MYLK4: variants seen among roughly 807,000 people sequenced by gnomAD.
MYLK4 encodes the protein myosin light chain kinase family member 4, also known as caMLCK like.
A neutral mutation model predicts 48.1 loss-of-function variants in MYLK4; 46 were observed. The ratio of observed to expected loss-of-function variants is 0.96; its 90% CI spans 0.75 to 1.22. The LOEUF (loss-of-function observed/expected upper bound fraction) is 1.22. Ranked by LOEUF, MYLK4 falls within the 50% of genes most tolerant of loss-of-function variation. MYLK4 has a pLI of 0.00. For missense variants in MYLK4, 451 were observed against 486.1 expected (o/e 0.93, Z 0.68); for synonymous variants, 170 against 180.8 (o/e 0.94, Z 0.48).
At chr6:2,752,203 T>C (rs1387145707), upstream of MYLK4, among the ~76,000 whole-genome samples, 3 of 152,222 alleles carry the variant, frequency 2.0e-5, no homozygotes, top group Non-Finnish European at 4.4e-5. Context: ...TATTTTTTTG[T>C]AATAAACTTT....
chr6:2,763,651 A>G, the MYLK4 span, among the ~76,000 whole-genome samples: 21,176 of 152,152 alleles, frequency 0.14, 1,830 homozygotes, highest in East Asian at 0.32. Context: ...CGCCTCTCCC[A>G]CCATACTTCC....
intron 3 of MYLK4, among the ~76,000 whole-genome samples, chr6:2,689,805 T>G (rs1761704439): frequency 6.6e-6 from 1 of 152,256 alleles, no homozygotes; most frequent in South Asian, 2.1e-4. Flanking sequence ...CAAAACACTC[T>G]ACATTTATTT....
chr6:2,679,237 C>G (rs1249857433), intron 9 of MYLK4, 43 bp downstream of exon 9: 1 of 1,609,332 alleles, frequency 6.2e-7, no homozygotes, highest in East Asian at 2.2e-5. Flanking sequence ...AGAAAATATG[C>G]ATGGAGTTGG....
At chr6:2,727,946 C>CAAAA (rs10716559) in intron 2 of MYLK4, among the ~76,000 whole-genome samples, 1 of 104,874 alleles carries the variant, frequency 9.5e-6, no homozygotes, top group Admixed American at 1.0e-4. Flanking sequence ...GACTCCGTCT[C>CAAAA]AAAAAAAAAA....
intron 2 of MYLK4, among the ~76,000 whole-genome samples, chr6:2,734,197 A>G (rs1244378613): frequency 6.6e-6 from 1 of 152,230 alleles, no homozygotes; most frequent in Non-Finnish European, 1.5e-5. Flanking sequence ...ACTCTGTTAC[A>G]GGATGGAATC....
chr6:2,682,412 G>A (rs998986343), intron 7 of MYLK4, among the ~76,000 whole-genome samples: 9 of 152,164 alleles, frequency 5.9e-5, no homozygotes, highest in Admixed American at 1.3e-4. Flanking sequence ...ATCAATAGGA[G>A]GAGAAAGAAA....
chr6:2,760,211 G>A, the MYLK4 span, among the ~76,000 whole-genome samples: 5 of 152,138 alleles, frequency 3.3e-5, no homozygotes, highest in Admixed American at 3.3e-4. Flanking sequence ...CATTGTATTA[G>A]GTATCATAAG....
At chr6:2,712,490 G>A (rs1762709094) in intron 2 of MYLK4, among the ~76,000 whole-genome samples, 1 of 152,196 alleles carries the variant, frequency 6.6e-6, no homozygotes, top group Admixed American at 6.5e-5. Context: ...GCACTAAACA[G>A]AACAATGGTG....
chr6:2,752,916 C>T (rs1764332105), upstream of MYLK4, among the ~76,000 whole-genome samples: 1 of 152,168 alleles, frequency 6.6e-6, no homozygotes, highest in South Asian at 2.1e-4. Context: ...AGGACAAGCA[C>T]ACTGCTGGCA....
Position 2,683,172 on chromosome 6 carries a change from G to A in MYLK4, c.546-10C>T. 1.9e-6 allele frequency: 3 copies of A among 1,614,060 alleles called. No individual in the cohort carries two copies. Among genetic ancestry groups the A allele is most frequent in the Non-Finnish European group, 2.5e-6 (3 of 1,179,992 alleles). ...CTCCCCACCATCCACACTGCAGAGG[G>A]AAGAGGACTGAAACCCTCAGTCCCG... is the stretch of plus-strand genomic sequence containing the variant. On this transcript the variant is annotated splice_polypyrimidine_tract_variant and intron_variant, in intron 6 of 12. Transcript: ENST00000274643.
At chr6:2,750,356 G>A (rs959692050) in intron 1 of MYLK4, among the ~76,000 whole-genome samples, 2 of 152,178 alleles carry the variant, frequency 1.3e-5, no homozygotes, top group Non-Finnish European at 2.9e-5. Flanking sequence ...TCCACATAAA[G>A]AGCTTACATT....
chr6:2,704,035 G>A (rs1025894297), intron 2 of MYLK4, among the ~76,000 whole-genome samples: 2 of 152,142 alleles, frequency 1.3e-5, no homozygotes, highest in East Asian at 1.9e-4. Flanking sequence ...ACACATCTTC[G>A]TGGATTTATC....
intron 2 of MYLK4, among the ~76,000 whole-genome samples, chr6:2,730,707 G>T (rs1382434518): frequency 3.6e-4 from 54 of 150,486 alleles, no homozygotes; most frequent in African/African-American, 1.2e-3. Flanking sequence ...TTTCTTATTT[G>T]CAAAAGGAAA....
intron 6 of MYLK4, among the ~76,000 whole-genome samples, chr6:2,683,391 T>TTTTTTTTTTTTGTGTGTGTGTG (rs556476421): frequency 7.9e-6 from 1 of 126,584 alleles, no homozygotes; most frequent in Admixed American, 8.5e-5. Flanking sequence ...CCCCACCTTT[T>TTTTTTTTTTTTGTGTGTGTGTG]TGTGTGTGTG....
upstream of MYLK4, among the ~76,000 whole-genome samples, chr6:2,755,155 TG>T (rs1764396980): frequency 6.6e-6 from 1 of 152,204 alleles, no homozygotes; most frequent in Non-Finnish European, 1.5e-5. Context: ...AAATATGGAT[TG>T]GATCATTTAA....
At chr6:2,715,384 A>C (rs1762832040) in intron 2 of MYLK4, among the ~76,000 whole-genome samples, 1 of 152,176 alleles carries the variant, frequency 6.6e-6, no homozygotes. Context: ...TGGACACTTA[A>C]TGGTTAAAAC....
chr6:2,690,984 A>G (rs560830941), intron 3 of MYLK4, among the ~76,000 whole-genome samples: 10 of 151,682 alleles, frequency 6.6e-5, no homozygotes, highest in Non-Finnish European at 1.2e-4. Context: ...GCCCGCCACC[A>G]CGCCCGGCTA....
At chr6:2,763,621 G>C in the MYLK4 span, among the ~76,000 whole-genome samples, 5 of 152,230 alleles carry the variant, frequency 3.3e-5, no homozygotes, top group African/African-American at 1.2e-4. Context: ...AGCACCGCGC[G>C]CAGCCCCGGT....
At chr6:2,743,895 C>T (rs1276982981) in intron 2 of MYLK4, 2 of 398,638 alleles carry the variant, frequency 5.0e-6, no homozygotes, top group Non-Finnish European at 8.8e-6. Context: ...GATTTTACTA[C>T]CTGCACGTCC....
Sources: gnomAD v4.1 joint callset for allele counts (sites outside exome capture counted in the v4.1 genomes callset) on GRCh38, gnomAD v4.1.1 for gene constraint, MANE v1.5 for transcripts, NCBI Gene and HGNC (gene_info 2026-07-23, HGNC 2026-07-21) for gene names.